MYO16: variants seen among roughly 807,000 people sequenced by gnomAD.
MYO16 encodes the protein myosin XVI, also known as unconventional myosin-XVI.
A neutral mutation model predicts 205.3 loss-of-function variants in MYO16; 94 were observed. The observed-to-expected ratio is 0.46, with a 90% CI of 0.39 to 0.54. The LOEUF is 0.54. Among genes scored for constraint, MYO16 ranks in the 20% least tolerant of loss-of-function variants. The pLI, the probability that MYO16 is intolerant of heterozygous loss-of-function variation, is 0.00. For missense variants in MYO16, 2,315 were observed against 2,387.5 expected (o/e 0.97, Z 0.63); for synonymous variants, 988 against 954.0 (o/e 1.04, Z -0.66).
chr13:109,022,344 A>G (rs376454108), intron 23 of MYO16, among the ~76,000 whole-genome samples: 1 of 55,156 alleles, frequency 1.8e-5, no homozygotes, highest in African/African-American at 7.3e-5. Flanking sequence ...TATATATTAT[A>G]TACAAATATA....
At chr13:108,547,819 T>A in the MYO16 span, among the ~76,000 whole-genome samples, 2 of 152,234 alleles carry the variant, frequency 1.3e-5, no homozygotes, top group African/African-American at 4.8e-5. Context: ...ATCTTCAGTG[T>A]GCATACTGAT....
At chr13:108,749,234 TATGA>T (rs1438267500) in intron 4 of MYO16, among the ~76,000 whole-genome samples, 2 of 152,184 alleles carry the variant, frequency 1.3e-5, no homozygotes, top group African/African-American at 4.8e-5. Context: ...ATATAGTCAC[TATGA>T]TATGTAATCA....
At chr13:108,919,539 AT>A (rs1410535942) in intron 16 of MYO16, among the ~76,000 whole-genome samples, 1 of 102,828 alleles carries the variant, frequency 9.7e-6, no homozygotes, top group Non-Finnish European at 2.2e-5. Context: ...GTTGGTTATC[AT>A]TGAGGTGACA....
Position 108,744,760 on chromosome 13 carries a change from C to T in MYO16, c.507+17177C>T, listed in dbSNP as rs1335169060. Among the ~76,000 whole-genome samples the T allele has an allele frequency of 4.6e-5, 7 of 152,326 alleles. No homozygotes were observed. In the East Asian group the frequency reaches 5.8e-4, roughly 13 times the overall value. On this transcript the variant is annotated intron_variant, in intron 4 of 34. Transcript: ENST00000457511. ...GGGCAAATGTCCCATTTTTTACCCA[C>T]GTTCATATATTTTGGCATGAACAGT...
intron 27 of MYO16, among the ~76,000 whole-genome samples, chr13:109,088,647 G>A (rs1888518794): frequency 6.6e-6 from 1 of 152,222 alleles, no homozygotes; most frequent in Admixed American, 6.5e-5. Flanking sequence ...GATTAAGACG[G>A]TGCTGCGGAT....
chr13:109,172,692 T>C (rs939935275), intron 33 of MYO16, among the ~76,000 whole-genome samples: 3 of 152,236 alleles, frequency 2.0e-5, no homozygotes, highest in African/African-American at 7.2e-5. Context: ...GACTGCTGTA[T>C]TTTATATGAT....
chr13:108,531,040 A>G, the MYO16 span, among the ~76,000 whole-genome samples: 1 of 152,182 alleles, frequency 6.6e-6, no homozygotes, highest in Non-Finnish European at 1.5e-5. Context: ...ATTCAGTCAT[A>G]CAAAGATCAG....
At chr13:108,902,723 CCTCTT>C (rs574423866) in intron 15 of MYO16, among the ~76,000 whole-genome samples, 2 of 152,122 alleles carry the variant, frequency 1.3e-5, no homozygotes, top group African/African-American at 2.4e-5. Context: ...TCTCCCTGTG[CCTCTT>C]CTCTTCTCCA....
At chr13:108,742,447 T>G (rs80187664) in intron 4 of MYO16, among the ~76,000 whole-genome samples, 1 of 152,294 alleles carries the variant, frequency 6.6e-6, no homozygotes, top group African/African-American at 2.4e-5. Context: ...TATATAAAAT[T>G]TGTCCACTAA....
upstream of MYO16, among the ~76,000 whole-genome samples, chr13:108,625,863 T>C (rs1879715785): frequency 1.3e-5 from 2 of 152,232 alleles, no homozygotes; most frequent in African/African-American, 4.8e-5. Context: ...TAATAAAGCA[T>C]GTCAATGCAG....
intron 1 of MYO16, among the ~76,000 whole-genome samples, chr13:108,607,709 G>A (rs965870675): frequency 3.9e-5 from 6 of 152,280 alleles, no homozygotes; most frequent in African/African-American, 1.4e-4. Context: ...TAGAGGGGTA[G>A]TGTTGGTATA....
the MYO16 span, among the ~76,000 whole-genome samples, chr13:108,562,297 A>G: frequency 7.7e-3 from 1,169 of 152,004 alleles, 13 homozygotes; most frequent in South Asian, 0.05. Context: ...TGACTTAATC[A>G]CTTCCCCAAG....
intron 4 of MYO16, among the ~76,000 whole-genome samples, chr13:108,780,861 A>G (rs756825188): frequency 3.3e-5 from 5 of 152,174 alleles, no homozygotes; most frequent in Non-Finnish European, 5.9e-5. Context: ...GCCGGCTTCT[A>G]TATTGGGAAT....
chr13:108,560,339 C>T, the MYO16 span, among the ~76,000 whole-genome samples: 2 of 152,184 alleles, frequency 1.3e-5, no homozygotes, highest in African/African-American at 4.8e-5. Context: ...CTCCCAGAGA[C>T]AGGGTGGTGA....
rs60535536 is a variant in MYO16, at chr13:108,685,025, A to ATTTT, written c.292+18889_292+18892dup. Among the ~76,000 whole-genome samples, 248 of 142,082 alleles carry ATTTT rather than the reference A, an allele frequency of 1.7e-3. 1 individual carries two copies. Among genetic ancestry groups the ATTTT allele is most frequent in the East Asian group, 4.0e-3 (19 of 4,772 alleles). The allele number at this position is 142,082 out of a possible 152,430, so 93.2% of individuals were successfully genotyped here. ...GAAGAGGGTCATGGGAACCACCCCA[A>ATTTT]TTTTTTTTTTTTTTTTGAGATAGAG... On this transcript the variant is annotated intron_variant, in intron 2 of 34. Coordinates refer to ENST00000457511, the MANE Select transcript of MYO16 (RefSeq NM_001198950.3).
At chr13:108,601,275 G>A (rs1205275826) in intron 1 of MYO16, among the ~76,000 whole-genome samples, 1 of 152,114 alleles carries the variant, frequency 6.6e-6, no homozygotes, top group Admixed American at 6.6e-5. Flanking sequence ...AGAGCTCCCT[G>A]AAACCTGTTA....
At chr13:109,139,146 G>A (rs1365451119) in intron 31 of MYO16, among the ~76,000 whole-genome samples, 1 of 152,026 alleles carries the variant, frequency 6.6e-6, no homozygotes, top group Non-Finnish European at 1.5e-5. Flanking sequence ...GTGGAGACAG[G>A]GTTTCACCAT....
At chr13:109,173,914 A>AAAAG (rs1879035711) in intron 33 of MYO16, among the ~76,000 whole-genome samples, 3 of 124,828 alleles carry the variant, frequency 2.4e-5, no homozygotes, top group African/African-American at 9.0e-5. Flanking sequence ...AAAAAAAAAA[A>AAAAG]GAGTATCTCT....
chr13:108,832,834 T>A (rs1174750310), intron 9 of MYO16, among the ~76,000 whole-genome samples: 3 of 152,164 alleles, frequency 2.0e-5, no homozygotes, highest in Non-Finnish European at 4.4e-5. Flanking sequence ...CAAGCCTTTT[T>A]AATCAAATAT....
Sources: gnomAD v4.1 joint callset for allele counts (sites outside exome capture counted in the v4.1 genomes callset) on GRCh38, gnomAD v4.1.1 for gene constraint, MANE v1.5 for transcripts, NCBI Gene and HGNC (gene_info 2026-07-23, HGNC 2026-07-21) for gene names.